The following WDR17 variants were observed in gnomAD, a reference collection of about 807,000 sequenced individuals.
WDR17 encodes the protein WD repeat-containing protein 17.
A neutral mutation model predicts 161.7 loss-of-function variants in WDR17; 143 were observed. The ratio of observed to expected loss-of-function variants is 0.88; its 90% CI spans 0.77 to 1.02. The LOEUF (loss-of-function observed/expected upper bound fraction) is 1.02. WDR17 is among the 50% of genes least tolerant of loss of function. The pLI, the probability that WDR17 is intolerant of heterozygous loss-of-function variation, is 0.00. For missense variants in WDR17, 1,469 were observed against 1,520.9 expected (o/e 0.97, Z 0.57); for synonymous variants, 517 against 515.6 (o/e 1.00, Z -0.04).
At chr4:176,112,581 T>C (rs1739940849) in intron 2 of WDR17, among the ~76,000 whole-genome samples, 1 of 152,224 alleles carries the variant, frequency 6.6e-6, no homozygotes. Flanking sequence ...TTGCTTACAC[T>C]AATTTTTCAG....
rs753135951 is a variant in WDR17 at position 176,162,026 on chromosome 4, A to G, written c.2751-49A>G. ...TTTTAAAAAGTATTAGTTTGCTTTT[A>G]TAATGGAATACTTGTGTTTATATAG... On this transcript the variant is annotated intron_variant, in intron 20 of 28. Transcript: ENST00000508596. 2.4e-5 allele frequency: 35 copies of G among 1,463,302 alleles called. 1 individual carries two copies. In the East Asian group the frequency reaches 6.9e-4, roughly 29 times the overall value. 90.6% of individuals were successfully genotyped at this position (1,463,302 alleles called of 1,614,324 possible).
At chr4:176,166,641 A>C (rs1749815182) in intron 22 of WDR17, among the ~76,000 whole-genome samples, 1 of 152,176 alleles carries the variant, frequency 6.6e-6, no homozygotes, top group African/African-American at 2.4e-5. Flanking sequence ...TAGTTCAATG[A>C]AGTTTGAATA....
chr4:176,091,570 A>T (rs1736124700), intron 1 of WDR17, among the ~76,000 whole-genome samples: 1 of 152,106 alleles, frequency 6.6e-6, no homozygotes, highest in Non-Finnish European at 1.5e-5. Context: ...CAAACTAATG[A>T]TGCATCTTAA....
intron 11 of WDR17, among the ~76,000 whole-genome samples, chr4:176,144,226 G>T (rs879806885): frequency 6.6e-5 from 10 of 152,088 alleles, no homozygotes; most frequent in South Asian, 4.1e-4. Context: ...AGTATTCCTT[G>T]ACCCCCATAT....
At chr4:176,128,906 G>C (rs78649239) in intron 6 of WDR17, 46 bp downstream of exon 6, 1 of 1,462,850 alleles carries the variant, frequency 6.8e-7, no homozygotes, top group African/African-American at 1.5e-5. Flanking sequence ...AAAATATTGT[G>C]TTTTCTATCA....
chr4:176,071,328 C>CTTTTT (rs1561059612), intron 1 of WDR17, among the ~76,000 whole-genome samples: 1 of 88,752 alleles, frequency 1.1e-5, no homozygotes, highest in African/African-American at 3.2e-5. Context: ...TTTTTCTTTT[C>CTTTTT]TCTTTTTTTT....
intron 1 of WDR17, among the ~76,000 whole-genome samples, chr4:176,084,795 A>G (rs116376913): frequency 0.011 from 1,602 of 147,514 alleles, 15 homozygotes; most frequent in Non-Finnish European, 0.018. Context: ...TAAAATATAT[A>G]TATATATACA....
intron 5 of WDR17, among the ~76,000 whole-genome samples, chr4:176,127,294 A>AT (rs34588473): frequency 0.018 from 2,638 of 143,042 alleles, 92 homozygotes; most frequent in East Asian, 0.15. Flanking sequence ...TAGGCATGGA[A>AT]TTTTTTTTTT....
intron 23 of WDR17, 23 bp from the exon 24 acceptor site, chr4:176,172,352 T>C (rs751842966): frequency 1.4e-5 from 22 of 1,595,976 alleles, no homozygotes; most frequent in Non-Finnish European, 1.7e-5. Flanking sequence ...AGTAACATTG[T>C]TTTCAAATCA....
chr4:176,130,734 G>A (rs1743298630), intron 6 of WDR17, among the ~76,000 whole-genome samples: 1 of 138,632 alleles, frequency 7.2e-6, no homozygotes, highest in South Asian at 2.3e-4. Flanking sequence ...AACAGAGCGA[G>A]ACTCCGTCTC....
chr4:176,156,003 A>G (rs1748067595), intron 17 of WDR17, 76 bp from the exon 18 acceptor site: 2 of 1,325,124 alleles, frequency 1.5e-6, no homozygotes, highest in African/African-American at 1.5e-5. Flanking sequence ...ATACCAATCT[A>G]TTTTTTAAGT....
intron 19 of WDR17, among the ~76,000 whole-genome samples, chr4:176,160,480 C>T (rs1748870398): frequency 6.6e-6 from 1 of 152,104 alleles, no homozygotes; most frequent in Non-Finnish European, 1.5e-5. Flanking sequence ...CGCCACCATG[C>T]CCAGCTAATA....
rs371389171 is a variant in WDR17, at chr4:176,159,680, T to G, written c.2526-314T>G. 5.6e-4 allele frequency among the ~76,000 whole-genome samples: 86 copies of G among 152,340 alleles called. 3 individuals carry two copies. The South Asian group carries it at 0.017, about 31-fold the overall frequency. On this transcript the variant is annotated intron_variant, in intron 18 of 28. Coordinates refer to ENST00000508596, the MANE Select transcript of WDR17 (RefSeq NM_181265.4). ...CACCTGATATCCTATCACACGTACC[T>G]TGTATAAAACATATTTTTGAATAAA...
In WDR17 at chr4:176,136,501, TTCACTC is replaced by T. The variant is rs1302447174; in HGVS notation, c.1268-1016_1268-1011del. Among the ~76,000 whole-genome samples the T allele has an allele frequency of 1.6e-4, 24 of 151,826 alleles. 3 individuals are homozygous for T. Among genetic ancestry groups the T allele is most frequent in the Admixed American group, 1.2e-3 (18 of 15,246 alleles). ...GATCTAATCTGACTTATAGCATTCT[TTCACTC>T]TCTACATTGAGAATTTGCATCAAGA... On this transcript the variant is annotated intron_variant, in intron 8 of 28. Coordinates refer to ENST00000508596, the MANE Select transcript of WDR17 (RefSeq NM_181265.4).
intron 1 of WDR17, among the ~76,000 whole-genome samples, chr4:176,086,797 T>G: frequency 6.6e-6 from 1 of 151,698 alleles, no homozygotes; most frequent in Non-Finnish European, 1.5e-5. Context: ...ATTTTATTTA[T>G]ATATACAAAC....
At chr4:176,168,115 C>G (rs899491096) in intron 22 of WDR17, among the ~76,000 whole-genome samples, 4 of 151,574 alleles carry the variant, frequency 2.6e-5, no homozygotes, top group African/African-American at 4.9e-5. Context: ...CCACTGCACT[C>G]CAGCCTGGGC....
intron 5 of WDR17, among the ~76,000 whole-genome samples, chr4:176,128,439 G>A (rs1742802326): frequency 6.6e-6 from 1 of 152,108 alleles, no homozygotes; most frequent in Non-Finnish European, 1.5e-5. Flanking sequence ...TATGTCAATA[G>A]GGTCTTTTTT....
intron 23 of WDR17, among the ~76,000 whole-genome samples, chr4:176,170,324 T>C (rs1750533286): frequency 6.6e-6 from 1 of 150,608 alleles, no homozygotes. Flanking sequence ...TTCTTTTTTT[T>C]TTTTTTTTGA....
chr4:176,179,447 T>C lies in WDR17; in HGVS notation c.3733-13T>C. On this transcript the variant is annotated splice_polypyrimidine_tract_variant and intron_variant, in intron 28 of 28. Coordinates refer to ENST00000508596, the MANE Select transcript of WDR17 (RefSeq NM_181265.4). Reference sequence around the variant, plus strand: ...TAATCTCATCTTCTCTTTCCTCAACTCTCACTGTGCAGGGCCCTGTGTTTT... The same window carrying C: ...TAATCTCATCTTCTCTTTCCTCAACCCTCACTGTGCAGGGCCCTGTGTTTT... The C allele has an allele frequency of 3.3e-6, 5 of 1,514,884 alleles. No homozygotes were observed. The highest frequency in any genetic ancestry group is 4.4e-6 in the Non-Finnish European group (5 of 1,132,440). 93.8% of individuals were successfully genotyped at this position (1,514,884 alleles called of 1,614,324 possible).
Sources: allele counts gnomAD v4.1 joint callset (sites outside exome capture counted in the v4.1 genomes callset), GRCh38; gene constraint gnomAD v4.1.1; transcripts MANE v1.5; gene names NCBI Gene and HGNC (gene_info 2026-07-23, HGNC 2026-07-21).